Variants in LCOR observed in about 807,000 individuals in gnomAD.
LCOR encodes the protein ligand-dependent corepressor.
A neutral mutation model predicts 64.4 loss-of-function variants in LCOR; 14 were observed. The ratio of observed to expected loss-of-function variants is 0.22; its 90% CI spans 0.14 to 0.34. The LOEUF (loss-of-function observed/expected upper bound fraction) is 0.34. LCOR is among the 10% of genes least tolerant of loss of function. The pLI, the probability that LCOR is intolerant of heterozygous loss-of-function variation, is 1.00. For missense variants in LCOR, 1,686 were observed against 1,765.3 expected (o/e 0.96, Z 0.80); for synonymous variants, 643 against 642.5 (o/e 1.00, Z -0.01).
rs936969268 is a variant in LCOR at position 96,947,461 on chromosome 10, G to A, written c.-50-1547G>A. Among the ~76,000 whole-genome samples, 3 of 152,222 alleles carry A rather than the reference G, an allele frequency of 2.0e-5. 1 individual carries two copies. The highest frequency in any genetic ancestry group is 1.9e-4 in the East Asian group (1 of 5,188). On this transcript the variant is annotated intron_variant, in intron 5 of 7. Transcript: ENST00000421806. ...TGGAGATTTTAGATTTTAGTAATTA[G>A]AGTCAGTTTTTCTTTAACTTTATAA...
chr10:96,942,643 A>G (rs1421050372), intron 4 of LCOR, among the ~76,000 whole-genome samples: 2 of 152,226 alleles, frequency 1.3e-5, no homozygotes, highest in Non-Finnish European at 2.9e-5. Flanking sequence ...TCCATGCTAA[A>G]TACATATTTT....
chr10:96,853,844 A>G (rs1374965954), intron 2 of LCOR, among the ~76,000 whole-genome samples: 1 of 152,202 alleles, frequency 6.6e-6, no homozygotes, highest in Non-Finnish European at 1.5e-5. Context: ...CATTCATGGT[A>G]GAAGGTACCT....
At chr10:96,874,490 C>T (rs147052440) in intron 2 of LCOR, among the ~76,000 whole-genome samples, 197 of 152,242 alleles carry the variant, frequency 1.3e-3, no homozygotes, top group African/African-American at 4.3e-3. Context: ...ATAATAATAG[C>T]TAACATTTAT....
At chr10:96,946,462 T>C (rs539444822) in intron 5 of LCOR, among the ~76,000 whole-genome samples, 1 of 152,092 alleles carries the variant, frequency 6.6e-6, no homozygotes, top group Non-Finnish European at 1.5e-5. Context: ...CATTTCTTTT[T>C]AGCTTGCGTT....
chr10:96,893,105 T>C (rs1846473748), intron 2 of LCOR, among the ~76,000 whole-genome samples: 1 of 152,208 alleles, frequency 6.6e-6, no homozygotes, highest in Non-Finnish European at 1.5e-5. Context: ...GTGTTTGTCC[T>C]GGGGATTATA....
intron 2 of LCOR, among the ~76,000 whole-genome samples, chr10:96,835,479 G>A (rs1012246931): frequency 6.6e-6 from 1 of 152,144 alleles, no homozygotes; most frequent in South Asian, 2.1e-4. Flanking sequence ...TTTATTATAT[G>A]TAATTTTGTT....
chr10:96,918,440 T>A (rs1253221003), intron 4 of LCOR, among the ~76,000 whole-genome samples: 1 of 152,104 alleles, frequency 6.6e-6, no homozygotes, highest in East Asian at 1.9e-4. Flanking sequence ...TATGTGGGTG[T>A]TGGTGGGAGT....
intron 2 of LCOR, among the ~76,000 whole-genome samples, chr10:96,875,021 C>T (rs934828623): frequency 6.6e-6 from 1 of 151,972 alleles, no homozygotes; most frequent in African/African-American, 2.4e-5. Flanking sequence ...TTCCCATACT[C>T]ATTTTCTGCA....
intron 7 of LCOR, chr10:96,962,965 A>T (rs569237919): frequency 6.6e-6 from 1 of 152,344 alleles, no homozygotes; most frequent in East Asian, 1.9e-4. Context: ...AGGTACTTTG[A>T]TGCTATTCTT....
intron 2 of LCOR, among the ~76,000 whole-genome samples, chr10:96,889,315 A>G (rs1056790678): frequency 6.6e-6 from 1 of 152,182 alleles, no homozygotes; most frequent in African/African-American, 2.4e-5. Flanking sequence ...GTATTCATTC[A>G]TGTTGTCAGC....
At position 96,980,895 on chromosome 10, in the gene LCOR, C is replaced by G. The variant is rs758003088; in HGVS notation, c.435C>G (p.Phe145Leu). 4.3e-6 allele frequency: 3 copies of G among 703,002 alleles called. No individual in the cohort carries two copies. The highest frequency in any genetic ancestry group is 5.2e-6 in the Non-Finnish European group (2 of 385,006). 43.5% of individuals were successfully genotyped at this position (703,002 alleles called of 1,614,324 possible). A position where few individuals can be genotyped will look rare whatever the true frequency, so the allele number is the denominator to read the frequency against. Reference protein sequence around the residue: ...VKLCTHHQKQFIRVLNDLYTE... With the variant: ...VKLCTHHQKQLIRVLNDLYTE... The stretch of plus-strand genomic sequence containing the variant: ...TGTGTACTCATCATCAAAAGCAATT[C>G]ATTCGTGTTCTGAACGACCTGTACA... Residue 145 changes from phenylalanine to leucine, a missense_variant, in exon 8 of 8, where the codon TTC becomes TTG. By Grantham distance (22) the Phe-to-Leu change is conservative (BLOSUM62 0). Around this residue, in one of 3 missense-constraint regions of LCOR, gnomAD observed 313 missense variants for 247.2 expected, o/e 1.27. Transcript: ENST00000421806.
intron 5 of LCOR, 133 bp downstream of exon 5, chr10:96,944,378 C>A: frequency 2.4e-6 from 1 of 408,736 alleles, no homozygotes; most frequent in Non-Finnish European, 3.3e-6. Context: ...GTTCTATATA[C>A]CTTGGGTCAA....
At chr10:96,845,300 G>A (rs1373404160) in intron 2 of LCOR, among the ~76,000 whole-genome samples, 1 of 151,966 alleles carries the variant, frequency 6.6e-6, no homozygotes, top group Non-Finnish European at 1.5e-5. Flanking sequence ...GGGAACGTCG[G>A]TGTTTATGAG....
chr10:96,921,773 T>C (rs1353848722), intron 4 of LCOR, among the ~76,000 whole-genome samples: 1 of 152,186 alleles, frequency 6.6e-6, no homozygotes, highest in Non-Finnish European at 1.5e-5. Flanking sequence ...CCAGCTTCAT[T>C]AGCAGCATGT....
At chr10:96,870,894 T>C (rs1846062169) in intron 2 of LCOR, among the ~76,000 whole-genome samples, 1 of 152,200 alleles carries the variant, frequency 6.6e-6, no homozygotes, top group Non-Finnish European at 1.5e-5. Context: ...TTATTAGAAG[T>C]GCTGTTAATT....
chr10:96,947,944 C>CT (rs925853292), intron 5 of LCOR, among the ~76,000 whole-genome samples: 5 of 152,060 alleles, frequency 3.3e-5, no homozygotes, highest in Non-Finnish European at 2.9e-5. Flanking sequence ...ATCGAATACA[C>CT]TTTAAATCAG....
chr10:96,981,416 G>A lies in LCOR; in HGVS notation c.956G>A (p.Ser319Asn). Residue 319 changes from serine (S) to asparagine (N), a missense_variant, in exon 8 of 8, where the codon AGT becomes AAT. Transcript: ENST00000421806. The stretch of plus-strand genomic sequence containing the variant: ...ATGCAGAGTTCAGCTTTAGTAGAAA[G>A]TCTAATTACAGTAAAAATGGCAGCT... ...DHMQSSALVESLITVKMAAEN... is the reference protein window; with the variant it reads ...DHMQSSALVENLITVKMAAEN... The A allele has an allele frequency of 1.2e-6, 2 of 1,614,186 alleles. No individual in the cohort carries two copies. Among genetic ancestry groups the A allele is most frequent in the Non-Finnish European group, 1.7e-6 (2 of 1,180,040 alleles).
chr10:96,836,009 C>T (rs1845435236), intron 2 of LCOR, among the ~76,000 whole-genome samples: 1 of 152,194 alleles, frequency 6.6e-6, no homozygotes, highest in African/African-American at 2.4e-5. Flanking sequence ...TTTCCTGCAC[C>T]TTGCCCTTGC....
chr10:96,957,381 A>C (rs1370744267), intron 7 of LCOR: 1 of 985,040 alleles, frequency 1.0e-6, no homozygotes, highest in African/African-American at 1.7e-5. Flanking sequence ...AATTATAATA[A>C]GGGAAGTTTA....
Sources: gnomAD v4.1 joint callset for allele counts (sites outside exome capture counted in the v4.1 genomes callset) on GRCh38, gnomAD v4.1.1 for gene constraint, gnomAD v4.1.1 regional missense constraint, MANE v1.5 for transcripts, NCBI Gene and HGNC (gene_info 2026-07-23, HGNC 2026-07-21) for gene names.